HYOU1: variants seen among roughly 807,000 people sequenced by gnomAD.
The protein encoded by HYOU1 is hypoxia up-regulated protein 1.
A neutral mutation model predicts 120.5 loss-of-function variants in HYOU1; 40 were observed. The observed-to-expected ratio is 0.33, with a 90% CI of 0.26 to 0.43. HYOU1 has a LOEUF of 0.43. HYOU1 is among the 20% of genes least tolerant of loss of function. The pLI, the probability that HYOU1 is intolerant of heterozygous loss-of-function variation, is 1.00. For missense variants in HYOU1, 1,085 were observed against 1,278.3 expected (o/e 0.85, Z 2.31); for synonymous variants, 501 against 479.4 (o/e 1.05, Z -0.59).
Position 119,051,933 on chromosome 11 carries a change from G to A in HYOU1, c.1224C>T (p.Asn408=), listed in dbSNP as rs2133589095. The A allele has an allele frequency of 9.9e-6, 16 of 1,614,124 alleles. No homozygotes were observed. Among genetic ancestry groups the A allele is most frequent in the Non-Finnish European group, 3.4e-6 (4 of 1,180,008 alleles). Residue 408 remains asparagine, a synonymous_variant, in exon 12 of 26, where the codon AAC becomes AAT. Coordinates refer to ENST00000617285, the MANE Select transcript of HYOU1 (RefSeq NM_006389.5). This position sits in a 1 kb window ranked among gnomAD's most constrained non-coding sequence, Gnocchi z 4.2. ...KAVGKEELGK[N]INADEAAAMG... is the part of the protein sequence containing the mutation. ...TGGCGGCTGCTTCATCTGCATTGAT[G>A]TTCTTCCCCAGCTCCTCCCTGGGAA... is the stretch of plus-strand genomic sequence containing the variant.
At position 119,055,983 on chromosome 11, in the gene HYOU1, CT is replaced by C. The variant is rs998226089; in HGVS notation, c.91+86del. ...GGCCTGGACCTAACAACTCAAGAGA[CT>C]TCTGGCCAACAGCCCCAAGCTCAAT... On this transcript the variant is annotated intron_variant, in intron 2 of 25. Transcript: ENST00000617285. The surrounding 1 kb of genome is among the most constrained non-coding windows in gnomAD (Gnocchi z 4.0). 1.3e-4 allele frequency: 190 copies of C among 1,416,508 alleles called. 3 individuals carry two copies. In the African/African-American group the frequency reaches 2.3e-3, roughly 17 times the overall value. 87.7% of individuals were successfully genotyped at this position (1,416,508 alleles called of 1,614,324 possible). A position where few individuals can be genotyped will look rare whatever the true frequency, so the allele number is the denominator to read the frequency against.
Position 119,054,538 on chromosome 11 carries a change from T to C in HYOU1, c.634A>G (p.Ser212Gly). The C allele has an allele frequency of 6.2e-7, 1 of 1,614,174 alleles. No individual in the cohort carries two copies. Among genetic ancestry groups the C allele is most frequent in the South Asian group, 1.1e-5 (1 of 91,074 alleles). ...TCTTTCCGGCGGAAGACACCATAGC[T>C]GAGGGCAGTGGCGGTGTTGTCATTG... is the stretch of plus-strand genomic sequence containing the variant. ...LINDNTATAL[S>G]YGVFRRKDIN... Residue 212 changes from serine to glycine, a missense_variant, in exon 7 of 26, where the codon AGC becomes GGC. Ser to Gly is a moderately conservative substitution (Grantham distance 56). Transcript: ENST00000617285.
At chr11:119,056,412 A>G (rs1944767884) in intron 1 of HYOU1, 1 of 590,740 alleles carries the variant, frequency 1.7e-6, no homozygotes, top group African/African-American at 1.8e-5. Context: ...ATCCCTAAAC[A>G]GAGAAGCTAA....
Position 119,052,489 on chromosome 11 carries a change from A to C in HYOU1, c.988-60T>G. 6.2e-7 allele frequency: 1 copy of C among 1,610,422 alleles called. No homozygotes were observed. The highest frequency in any genetic ancestry group is 1.7e-5 in the Admixed American group (1 of 59,850). Reference sequence around the variant, plus strand: ...CCCAGCTCCCGCTCTCTTGGTGAGTAGGACAGAAACAAAAAGAATAGGTCT... The same window carrying C: ...CCCAGCTCCCGCTCTCTTGGTGAGTCGGACAGAAACAAAAAGAATAGGTCT... On this transcript the variant is annotated intron_variant, in intron 9 of 25. Coordinates refer to ENST00000617285, the MANE Select transcript of HYOU1 (RefSeq NM_006389.5). This position sits in a 1 kb window ranked among gnomAD's most constrained non-coding sequence, Gnocchi z 5.0.
chr11:119,049,474 C>T, intron 16 of HYOU1, 82 bp downstream of exon 16: 1 of 1,553,696 alleles, frequency 6.4e-7, no homozygotes, highest in Non-Finnish European at 8.9e-7. Flanking sequence ...CAGGGGTGGC[C>T]TACCCTCACC....
At chr11:119,053,544 G>A (rs1375083276) in intron 8 of HYOU1, 6 of 152,474 alleles carry the variant, frequency 3.9e-5, no homozygotes, top group African/African-American at 1.4e-4. Flanking sequence ...AAAGAAACAG[G>A]TAATGATTAG....
chr11:119,047,956 A>G lies in HYOU1; in HGVS notation c.2501T>C (p.Met834Thr). 2 of 1,614,180 alleles carry G rather than the reference A, an allele frequency of 1.2e-6. No homozygotes were observed. The highest frequency in any genetic ancestry group is 1.7e-6 in the Non-Finnish European group (2 of 1,180,020). Residue 834 changes from methionine to threonine, a missense_variant, in exon 21 of 26, where the codon ATG becomes ACG. Met to Thr is a moderately conservative substitution (Grantham distance 81). Around this residue, in one of 4 missense-constraint regions of HYOU1, gnomAD observed 516 missense variants for 517.1 expected, o/e 1.00. Transcript: ENST00000617285. Reference protein sequence around the residue: ...ALDNLLNHSSMFLKGARLIPE... With the variant: ...ALDNLLNHSSTFLKGARLIPE... The stretch of plus-strand genomic sequence containing the variant: ...TTCAGGGGCTGCTCACTTGAGGAAC[A>G]TGCTGGAATGGTTGAGGAGATTATC...
chr11:119,049,803 C>T lies in HYOU1; in HGVS notation c.1700G>A (p.Ser567Asn). The change falls in exon 15 of 26, where the codon AGC (serine) becomes AAC (asparagine). Residue 567 changes from serine to asparagine, a missense_variant. Physicochemically the swap from Ser to Asn is conservative, Grantham distance 46. This residue lies in a region of HYOU1 where 515 missense variants were observed against 677.8 expected (regional missense o/e 0.76). Coordinates refer to ENST00000617285, the MANE Select transcript of HYOU1 (RefSeq NM_006389.5). ...GGTGAGAGTAGATTCCTCTTCTGCG[C>T]TGTCCTCTACCAGTGTCTCAAATAC... Reference protein sequence around the residue: ...ESVFETLVEDSAEEESTLTKL... With the variant: ...ESVFETLVEDNAEEESTLTKL... The T allele has an allele frequency of 6.2e-7, 1 of 1,614,158 alleles. No homozygotes were observed. Among genetic ancestry groups the T allele is most frequent in the Non-Finnish European group, 8.5e-7 (1 of 1,179,970 alleles).
At position 119,051,696 on chromosome 11, in the gene HYOU1, G is replaced by C; in HGVS notation, c.1339-71C>G. The stretch of plus-strand genomic sequence containing the variant: ...CCGAGTAGGTTCTGGGGTAAGGATG[G>C]GGGTGGGATGGGGGAGACCTCTTAG... On this transcript the variant is annotated intron_variant, in intron 12 of 25. Transcript: ENST00000617285. The surrounding 1 kb of genome is among the most constrained non-coding windows in gnomAD (Gnocchi z 4.2). 6.3e-7 allele frequency: 1 copy of C among 1,595,428 alleles called. No individual in the cohort carries two copies. Among genetic ancestry groups the C allele is most frequent in the Non-Finnish European group, 8.6e-7 (1 of 1,165,928 alleles).
Position 119,055,328 on chromosome 11 carries a change from A to G in HYOU1, c.276T>C (p.Asn92=). ...GDSAASMAIK[N]PKATLRYFQH... is the part of the protein sequence containing the mutation. ...GGAAGTAACGTAGCGTAGCCTTTGG[A>G]TTCTTAATCGCCTGAGGGGTGAAGA... is the stretch of plus-strand genomic sequence containing the variant. The change falls in exon 5 of 26, where the codon AAT becomes AAC. Residue 92 remains asparagine (N), a synonymous_variant. Coordinates refer to ENST00000617285, the MANE Select transcript of HYOU1 (RefSeq NM_006389.5). This position sits in a 1 kb window ranked among gnomAD's most constrained non-coding sequence, Gnocchi z 4.0. The G allele has an allele frequency of 1.2e-6, 2 of 1,613,334 alleles. No individual in the cohort carries two copies. Among genetic ancestry groups the G allele is most frequent in the Non-Finnish European group, 1.7e-6 (2 of 1,179,550 alleles).
At chr11:119,054,792 C>T in intron 6 of HYOU1, 117 bp from the exon 7 acceptor site, 3 of 1,185,600 alleles carry the variant, frequency 2.5e-6, no homozygotes, top group East Asian at 2.4e-5. Context: ...CTGTCCTGTG[C>T]ACTGTAGGAT....
In HYOU1 at chr11:119,052,488, T is replaced by A. The variant is rs2133593384; in HGVS notation, c.988-59A>T. 6.2e-7 allele frequency: 1 copy of A among 1,610,508 alleles called. No individual in the cohort carries two copies. Among genetic ancestry groups the A allele is most frequent in the Admixed American group, 1.7e-5 (1 of 59,888 alleles). ...GCCCAGCTCCCGCTCTCTTGGTGAG[T>A]AGGACAGAAACAAAAAGAATAGGTC... On this transcript the variant is annotated intron_variant, in intron 9 of 25. Coordinates refer to ENST00000617285, the MANE Select transcript of HYOU1 (RefSeq NM_006389.5). This position sits in a 1 kb window ranked among gnomAD's most constrained non-coding sequence, Gnocchi z 5.0.
Position 119,051,014 on chromosome 11 carries a change from A to T in HYOU1, c.1665+21T>A. ...GGGCCTGAGCCCCTGCTCTGCACAC[A>T]GGGTATCCTTTAGCTCTCACCCTGT... is the stretch of plus-strand genomic sequence containing the variant. On this transcript the variant is annotated intron_variant, in intron 14 of 25. Transcript: ENST00000617285. The surrounding 1 kb of genome is among the most constrained non-coding windows in gnomAD (Gnocchi z 4.2). 1 of 1,614,002 alleles carries T rather than the reference A, an allele frequency of 6.2e-7. No homozygotes were observed. Among genetic ancestry groups the T allele is most frequent in the South Asian group, 1.1e-5 (1 of 91,074 alleles).
chr11:119,054,449 A>T (rs1406009287), intron 7 of HYOU1, 45 bp downstream of exon 7: 2 of 1,592,526 alleles, frequency 1.3e-6, no homozygotes, highest in African/African-American at 2.7e-5. Context: ...CTCCATCCTT[A>T]GATTCAGTCA....
Position 119,049,840 on chromosome 11 carries a change from G to C in HYOU1, c.1666-3C>G. ...AGTGTCTCAAATACAGACTCCACCT[G>C]AAAACAGGTTCAAAATGAAAAAATA... On this transcript the variant is annotated splice_region_variant and splice_polypyrimidine_tract_variant and intron_variant, in intron 14 of 25. Coordinates refer to ENST00000617285, the MANE Select transcript of HYOU1 (RefSeq NM_006389.5). The C allele has an allele frequency of 1.9e-6, 3 of 1,613,724 alleles. No homozygotes were observed. In the South Asian group the frequency reaches 3.3e-5, roughly 18 times the overall value.
At chr11:119,046,089 T>G (rs1944049846) in intron 24 of HYOU1, among the ~76,000 whole-genome samples, 2 of 151,898 alleles carry the variant, frequency 1.3e-5, no homozygotes, top group African/African-American at 4.8e-5. Flanking sequence ...GCCTCCTGAG[T>G]AGCTGGGATT....
chr11:119,046,715 T>C lies in HYOU1; in HGVS notation c.2683A>G (p.Met895Val), dbSNP rs2133552831. Residue 895 changes from methionine to valine, a missense_variant, in exon 23 of 26, where the codon ATG (methionine) becomes GTG (valine). Physicochemically the swap from Met to Val is conservative, Grantham distance 21 (BLOSUM62 1). Coordinates refer to ENST00000617285, the MANE Select transcript of HYOU1 (RefSeq NM_006389.5). ...VLLSKDIEAK[M>V]MALDREVQYL... ...TGCACCTCTCGGTCCAGGGCCATCA[T>C]CTTAGCTTCAATGTCTTTTGAGAGC... 5 of 1,612,390 alleles carry C rather than the reference T, an allele frequency of 3.1e-6. No homozygotes were observed. The highest frequency in any genetic ancestry group is 1.7e-4 in the Middle Eastern group (1 of 6,060).
rs2133575443 is a variant in HYOU1 at position 119,049,761 on chromosome 11, T to C, written c.1726+16A>G. ...AAGTATATTCTCTCCCATACACACA[T>C]GCATGCTCATCTTACTGGTGAGAGT... On this transcript the variant is annotated intron_variant, in intron 15 of 25. Coordinates refer to ENST00000617285, the MANE Select transcript of HYOU1 (RefSeq NM_006389.5). 1 of 1,613,250 alleles carries C rather than the reference T, an allele frequency of 6.2e-7. No individual in the cohort carries two copies. The highest frequency in any genetic ancestry group is 2.2e-5 in the East Asian group (1 of 44,880).
At position 119,047,821 on chromosome 11, in the gene HYOU1, G is replaced by A. The variant is rs1329330090; in HGVS notation, c.2511-3C>T. 4 of 1,613,856 alleles carry A rather than the reference G, an allele frequency of 2.5e-6. No individual in the cohort carries two copies. Among genetic ancestry groups the A allele is most frequent in the East Asian group, 2.2e-5 (1 of 44,886 alleles). ...TCTCTGGGATGAGCCGGGCCCCCCT[G>A]GAAGCCAGAAAGGAGACCATTAGCC... On this transcript the variant is annotated splice_polypyrimidine_tract_variant and splice_region_variant and intron_variant, in intron 21 of 25. Transcript: ENST00000617285.
Sources: gnomAD v4.1 joint callset for allele counts (sites outside exome capture counted in the v4.1 genomes callset) on GRCh38, gnomAD v4.1.1 for gene constraint, gnomAD v4.1.1 regional missense constraint, Gnocchi (gnomAD v3.1) non-coding constraint, MANE v1.5 for transcripts, NCBI Gene and HGNC (gene_info 2026-07-23, HGNC 2026-07-21) for gene names.